AP3B1: variants seen among roughly 807,000 people sequenced by gnomAD.
The protein encoded by AP3B1 is AP-3 complex subunit beta-1.
In AP3B1, 61 loss-of-function variants were observed where a neutral mutation model predicts 132.5. The observed-to-expected ratio is 0.46, with a 90% confidence interval of 0.37 to 0.57. AP3B1 has a LOEUF of 0.57. AP3B1 is among the 20% of genes least tolerant of loss of function. AP3B1 has a pLI of 0.00. For missense variants in AP3B1, 1,120 were observed against 1,289.4 expected (o/e 0.87, Z 2.01); for synonymous variants, 388 against 438.3 (o/e 0.89, Z 1.43).
In AP3B1 at chr5:78,223,029, T is replaced by C. The variant is rs112691370; in HGVS notation, c.603+2513A>G. 1.7e-3 allele frequency among the ~76,000 whole-genome samples: 111 copies of C among 67,010 alleles called. 1 individual carries two copies. Among genetic ancestry groups the C allele is most frequent in the East Asian group, 2.1e-3 (5 of 2,386 alleles). 44.0% of individuals were successfully genotyped at this position (67,010 alleles called of 152,430 possible). A position where few individuals can be genotyped will look rare whatever the true frequency, so the allele number is the denominator to read the frequency against. Reference sequence around the variant, plus strand: ...TTTTTTTGTTTGTTTGTTTGTTTCTTTTTTTTTTTTTGTAGAGACAAGGTT... The same window carrying C: ...TTTTTTTGTTTGTTTGTTTGTTTCTCTTTTTTTTTTTGTAGAGACAAGGTT... On this transcript the variant is annotated intron_variant, in intron 6 of 26. Coordinates refer to ENST00000255194, the MANE Select transcript of AP3B1 (RefSeq NM_003664.5).
chr5:78,018,370 GAA>G, intron 25 of AP3B1, among the ~76,000 whole-genome samples: 1 of 151,800 alleles, frequency 6.6e-6, no homozygotes, highest in East Asian at 1.9e-4. Flanking sequence ...ACACAACTGA[GAA>G]AAAGTGATAG....
In AP3B1 at chr5:78,181,681, A is replaced by T. The variant is rs778420623; in HGVS notation, c.787-19T>A. 5 of 1,608,952 alleles carry T rather than the reference A, an allele frequency of 3.1e-6. No individual in the cohort carries two copies. The highest frequency in any genetic ancestry group is 4.2e-6 in the Non-Finnish European group (5 of 1,178,356). On this transcript the variant is annotated intron_variant, in intron 7 of 26. Coordinates refer to ENST00000255194, the MANE Select transcript of AP3B1 (RefSeq NM_003664.5). ...CATCACCCTACAATGAAAGAAATCCAACCCAAGATTACTTTAGACCTTGAG... is the reference window on the plus strand; with the variant it reads ...CATCACCCTACAATGAAAGAAATCCTACCCAAGATTACTTTAGACCTTGAG...
intron 16 of AP3B1, among the ~76,000 whole-genome samples, chr5:78,128,864 T>C (rs1419416226): frequency 6.6e-6 from 1 of 152,090 alleles, no homozygotes; most frequent in Non-Finnish European, 1.5e-5. Flanking sequence ...TTTTCATCTA[T>C]TGCCCAGTTT....
intron 11 of AP3B1, among the ~76,000 whole-genome samples, chr5:78,165,899 T>A (rs1035353177): frequency 1.3e-5 from 2 of 152,002 alleles, no homozygotes; most frequent in Non-Finnish European, 2.9e-5. Flanking sequence ...AGAAACCCTG[T>A]CTCTACTAAA....
At chr5:78,196,062 C>A (rs1347916414) in intron 7 of AP3B1, among the ~76,000 whole-genome samples, 1 of 151,940 alleles carries the variant, frequency 6.6e-6, no homozygotes, top group Non-Finnish European at 1.5e-5. Context: ...TTTTGCTATG[C>A]AAAAGACAAG....
At chr5:78,084,521 CAAA>C (rs568637894) in intron 22 of AP3B1, among the ~76,000 whole-genome samples, 3 of 44,002 alleles carry the variant, frequency 6.8e-5, no homozygotes, top group African/African-American at 2.2e-4. Context: ...CAGACCCTGT[CAAA>C]AAAAAAAAAA....
At chr5:78,201,454 T>C (rs1745285467) in intron 7 of AP3B1, among the ~76,000 whole-genome samples, 1 of 152,184 alleles carries the variant, frequency 6.6e-6, no homozygotes, top group Non-Finnish European at 1.5e-5. Context: ...TAGACTATTA[T>C]TCAGCAAAAT....
chr5:78,130,594 A>T (rs1752644347), intron 15 of AP3B1, among the ~76,000 whole-genome samples: 1 of 152,088 alleles, frequency 6.6e-6, no homozygotes, highest in Admixed American at 6.6e-5. Context: ...TGCTGGTTCA[A>T]GTACAGGTAA....
Position 78,007,760 on chromosome 5 carries a change from T to TA in AP3B1, c.3132-4706dup, listed in dbSNP as rs532202471. The stretch of plus-strand genomic sequence containing the variant: ...AAACAGGCAGAGAATTTGTAAGTTG[T>TA]AAAAAATTCTATTTTGTTGACTATA... On this transcript the variant is annotated intron_variant, in intron 26 of 26. Transcript: ENST00000255194. Among the ~76,000 whole-genome samples the TA allele has an allele frequency of 1.4e-3, 206 of 152,334 alleles. 1 individual carries two copies. Among genetic ancestry groups the TA allele is most frequent in the Non-Finnish European group, 2.4e-3 (163 of 68,026 alleles).
intron 1 of AP3B1, among the ~76,000 whole-genome samples, chr5:78,278,302 T>C (rs1748870972): frequency 6.6e-6 from 1 of 152,166 alleles, no homozygotes; most frequent in Admixed American, 6.5e-5. Flanking sequence ...ATATTGTTTT[T>C]ATGTGATGAA....
At chr5:78,254,725 A>G (rs1747784607) in intron 2 of AP3B1, among the ~76,000 whole-genome samples, 1 of 152,196 alleles carries the variant, frequency 6.6e-6, no homozygotes, top group Non-Finnish European at 1.5e-5. Context: ...AGAAAATGAC[A>G]TTAATGAGCA....
intron 24 of AP3B1, among the ~76,000 whole-genome samples, chr5:78,029,782 A>T (rs1324268667): frequency 6.6e-6 from 1 of 152,190 alleles, no homozygotes; most frequent in Non-Finnish European, 1.5e-5. Context: ...GATAACAGGT[A>T]TAAGCCACCA....
chr5:78,015,619 C>A, intron 25 of AP3B1, 71 bp from the exon 26 acceptor site: 4 of 1,541,674 alleles, frequency 2.6e-6, no homozygotes, highest in Non-Finnish European at 2.7e-6. Flanking sequence ...ATTTTAAGCT[C>A]ATGGCCAAAA....
intron 6 of AP3B1, among the ~76,000 whole-genome samples, chr5:78,224,374 C>A (rs775071913): frequency 1.3e-5 from 2 of 151,486 alleles, no homozygotes; most frequent in South Asian, 4.2e-4. Context: ...GTAAAAAAAC[C>A]ATGAAAAGAA....
chr5:78,106,323 T>C (rs1751333203), intron 20 of AP3B1, among the ~76,000 whole-genome samples: 1 of 152,040 alleles, frequency 6.6e-6, no homozygotes, highest in Non-Finnish European at 1.5e-5. Flanking sequence ...CCAAGCATGG[T>C]AGTGCATGCC....
chr5:78,107,535 G>A (rs1440510280), intron 20 of AP3B1, among the ~76,000 whole-genome samples: 1 of 152,180 alleles, frequency 6.6e-6, no homozygotes, highest in Non-Finnish European at 1.5e-5. Flanking sequence ...GGAGACAGAT[G>A]ATTATTAACA....
intron 21 of AP3B1, among the ~76,000 whole-genome samples, chr5:78,093,336 C>G (rs1404680081): frequency 6.6e-6 from 1 of 152,194 alleles, no homozygotes; most frequent in African/African-American, 2.4e-5. Context: ...AGATTATAGA[C>G]ATGAGCCACC....
At chr5:78,094,114 C>T (rs1750663718) in intron 21 of AP3B1, among the ~76,000 whole-genome samples, 2 of 152,166 alleles carry the variant, frequency 1.3e-5, no homozygotes, top group Non-Finnish European at 2.9e-5. Flanking sequence ...GTTTACATTT[C>T]CTATAAAAGA....
At chr5:78,106,014 G>A (rs561340973) in intron 20 of AP3B1, among the ~76,000 whole-genome samples, 2 of 152,280 alleles carry the variant, frequency 1.3e-5, no homozygotes, top group South Asian at 2.1e-4. Context: ...TCCCAACTAG[G>A]AGAAGTGGAG....
Sources: allele counts gnomAD v4.1 joint callset (sites outside exome capture counted in the v4.1 genomes callset), GRCh38; gene constraint gnomAD v4.1.1; transcripts MANE v1.5; gene names NCBI Gene and HGNC (gene_info 2026-07-23, HGNC 2026-07-21).